The following CD2AP variants were observed in gnomAD, a reference collection of about 807,000 sequenced individuals.
CD2AP encodes the protein CD2 associated protein.
Under a neutral mutation model 85.1 loss-of-function variants are expected in CD2AP, and 46 were observed. That is an observed-to-expected ratio of 0.54 (90% CI 0.43 to 0.69). The LOEUF (loss-of-function observed/expected upper bound fraction) is 0.69. CD2AP is among the 30% of genes least tolerant of loss of function. The pLI is 0.00. For synonymous variants in CD2AP, 255 were observed against 252.9 expected (o/e 1.01, Z -0.08); for missense variants, 769 against 729.5 (o/e 1.05, Z -0.62).
At chr6:47,496,479 CTA>C (rs920957098) in intron 1 of CD2AP, among the ~76,000 whole-genome samples, 2 of 152,106 alleles carry the variant, frequency 1.3e-5, no homozygotes, top group Non-Finnish European at 2.9e-5. Context: ...GGCATTTTCT[CTA>C]AGGGAAATAA....
intron 17 of CD2AP, among the ~76,000 whole-genome samples, chr6:47,615,751 G>A (rs1769560543): frequency 6.6e-6 from 1 of 150,646 alleles, no homozygotes; most frequent in Admixed American, 6.6e-5. Flanking sequence ...TAACAGCAAT[G>A]GAGCTGAAAT....
intron 16 of CD2AP, among the ~76,000 whole-genome samples, chr6:47,611,381 G>GT (rs1562056880): frequency 1.1e-5 from 1 of 91,946 alleles, no homozygotes. Flanking sequence ...CTATGGAAGA[G>GT]GGGGGGAATA....
intron 9 of CD2AP, 121 bp from the exon 10 acceptor site, chr6:47,580,743 G>T: frequency 1.4e-6 from 1 of 715,324 alleles, no homozygotes; most frequent in East Asian, 2.8e-5. Context: ...TTTATATTTT[G>T]TCAAGGATTG....
chr6:47,596,448 A>G (rs1195915012), intron 12 of CD2AP, among the ~76,000 whole-genome samples: 1 of 152,092 alleles, frequency 6.6e-6, no homozygotes, highest in Admixed American at 6.6e-5. Flanking sequence ...GGCTCTGGTA[A>G]TCACCATTCT....
chr6:47,505,343 G>A, intron 2 of CD2AP, among the ~76,000 whole-genome samples: 1 of 149,054 alleles, frequency 6.7e-6, no homozygotes, highest in Non-Finnish European at 1.5e-5. Flanking sequence ...ACAGGGTTGG[G>A]GGCAAGGTCA....
At chr6:47,508,125 C>A (rs182409243) in intron 2 of CD2AP, among the ~76,000 whole-genome samples, 2 of 152,334 alleles carry the variant, frequency 1.3e-5, no homozygotes, top group African/African-American at 4.8e-5. Context: ...TAGTCCCTAG[C>A]AAGAGAGTGA....
chr6:47,551,998 C>T (rs528639131), intron 4 of CD2AP, among the ~76,000 whole-genome samples: 2 of 152,016 alleles, frequency 1.3e-5, no homozygotes, highest in South Asian at 2.1e-4. Flanking sequence ...ACAAGTGAGT[C>T]GTAAGCCATC....
Position 47,615,820 on chromosome 6 carries a change from T to A in CD2AP, c.1878+3284T>A, listed in dbSNP as rs1333159741. ...TTATTTATTTATTTATTTATTTATT[T>A]ATTTATTTATTAGCAGTGGTACGAA... On this transcript the variant is annotated intron_variant, in intron 17 of 17. Coordinates refer to ENST00000359314, the MANE Select transcript of CD2AP (RefSeq NM_012120.3). 6.7e-5 allele frequency among the ~76,000 whole-genome samples: 10 copies of A among 149,444 alleles called. No homozygotes were observed. The South Asian group carries it at 1.3e-3, about 19-fold the overall frequency.
At chr6:47,605,602 A>T (rs1019695471) in intron 13 of CD2AP, among the ~76,000 whole-genome samples, 1 of 152,028 alleles carries the variant, frequency 6.6e-6, no homozygotes, top group Non-Finnish European at 1.5e-5. Context: ...AAACAGTTTG[A>T]GTCCCACCTA....
rs1766317397 is a variant in CD2AP at position 47,511,724 on chromosome 6, C to T, written c.165+8284C>T. 3.3e-5 allele frequency among the ~76,000 whole-genome samples: 5 copies of T among 152,270 alleles called. No individual in the cohort carries two copies. The South Asian group carries it at 1.0e-3, about 32-fold the overall frequency. ...ATACACAAATTAATAAGGTAGTTGG[C>T]TTTATCACTTCAGATGTGTATGTTA... On this transcript the variant is annotated intron_variant, in intron 2 of 17. Transcript: ENST00000359314.
chr6:47,546,257 C>T (rs965057785), intron 4 of CD2AP, among the ~76,000 whole-genome samples: 2 of 151,980 alleles, frequency 1.3e-5, no homozygotes, highest in African/African-American at 4.8e-5. Context: ...GAAGAAATAA[C>T]TTCAGAGCTT....
In CD2AP at chr6:47,626,291, A is replaced by T. The variant is rs1005565925; in HGVS notation, c.*2064A>T. ...TTTACCTTTCTGTCCTTGATAAAAT[A>T]GTAAAGAAAACCAAACAAACCCAGG... On this transcript the variant is annotated 3_prime_UTR_variant, in exon 18 of 18. Coordinates refer to ENST00000359314, the MANE Select transcript of CD2AP (RefSeq NM_012120.3). 9 of 152,034 alleles carry T rather than the reference A, an allele frequency of 5.9e-5. No individual in the cohort carries two copies. The highest frequency in any genetic ancestry group is 7.4e-5 in the Non-Finnish European group (5 of 67,850). 9.4% of individuals were successfully genotyped at this position (152,034 alleles called of 1,614,324 possible).
At chr6:47,560,244 G>T (rs774962467) in intron 5 of CD2AP, among the ~76,000 whole-genome samples, 1 of 151,922 alleles carries the variant, frequency 6.6e-6, no homozygotes, top group African/African-American at 2.4e-5. Context: ...TTATTCTTTA[G>T]TATTTCAATG....
At chr6:47,576,416 C>A in intron 6 of CD2AP, 108 bp from the exon 7 acceptor site, 1 of 788,570 alleles carries the variant, frequency 1.3e-6, no homozygotes, top group Non-Finnish European at 2.2e-6. Context: ...ACTATCCTAG[C>A]TATAAGTACC....
intron 1 of CD2AP, among the ~76,000 whole-genome samples, chr6:47,485,223 CA>C (rs1161441185): frequency 6.6e-6 from 1 of 152,088 alleles, no homozygotes; most frequent in Non-Finnish European, 1.5e-5. Flanking sequence ...GCAGGTCCTT[CA>C]GGGGGTATTC....
chr6:47,532,289 G>T lies in CD2AP; in HGVS notation c.166-1313G>T, dbSNP rs372496098. Reference sequence around the variant, plus strand: ...GCCCAGAAGGTGGAGGCTGCAGTGAGCCATGATCATGCCACTGCACTCCAA... The same window carrying T: ...GCCCAGAAGGTGGAGGCTGCAGTGATCCATGATCATGCCACTGCACTCCAA... On this transcript the variant is annotated intron_variant, in intron 2 of 17. Coordinates refer to ENST00000359314, the MANE Select transcript of CD2AP (RefSeq NM_012120.3). Among the ~76,000 whole-genome samples, 6 of 150,714 alleles carry T rather than the reference G, an allele frequency of 4.0e-5. No homozygotes were observed. In the East Asian group the frequency reaches 5.9e-4, roughly 15 times the overall value.
intron 8 of CD2AP, among the ~76,000 whole-genome samples, chr6:47,578,747 C>T (rs1378021906): frequency 1.3e-5 from 2 of 148,806 alleles, no homozygotes; most frequent in Non-Finnish European, 3.0e-5. Flanking sequence ...GCCTCTGCCT[C>T]CCGAGTTCAA....
rs947758199 is a variant in CD2AP, at chr6:47,501,619, C to CT, written c.5-1650dup. Among the ~76,000 whole-genome samples, 702 of 141,990 alleles carry CT rather than the reference C, an allele frequency of 4.9e-3. 3 individuals are homozygous for CT. Among genetic ancestry groups the CT allele is most frequent in the Admixed American group, 6.8e-3 (97 of 14,182 alleles). 93.2% of individuals were successfully genotyped at this position (141,990 alleles called of 152,430 possible). A position where few individuals can be genotyped will look rare whatever the true frequency, so the allele number is the denominator to read the frequency against. On this transcript the variant is annotated intron_variant, in intron 1 of 17. Coordinates refer to ENST00000359314, the MANE Select transcript of CD2AP (RefSeq NM_012120.3). ...ACAGTGTCTGGTCATACTCACTTTCCTTTTTTTTTTTGGTGGTGGTGGTTG... is the reference window on the plus strand; with the variant it reads ...ACAGTGTCTGGTCATACTCACTTTCCTTTTTTTTTTTTGGTGGTGGTGGTTG...
At chr6:47,603,599 T>C (rs2114142550) in intron 13 of CD2AP, among the ~76,000 whole-genome samples, 1 of 152,240 alleles carries the variant, frequency 6.6e-6, no homozygotes, top group South Asian at 2.1e-4. Flanking sequence ...TAAAACCTAA[T>C]ATACATCTTG....
Sources: gnomAD v4.1 joint callset for allele counts (sites outside exome capture counted in the v4.1 genomes callset) on GRCh38, gnomAD v4.1.1 for gene constraint, MANE v1.5 for transcripts, NCBI Gene and HGNC (gene_info 2026-07-23, HGNC 2026-07-21) for gene names.